ARHGAP42: variants seen among roughly 807,000 people sequenced by gnomAD.
ARHGAP42 encodes the protein Rho GTPase activating protein 42.
A neutral mutation model predicts 125.0 loss-of-function variants in ARHGAP42; 63 were observed. That is an observed-to-expected ratio of 0.50 (90% CI 0.41 to 0.62). The LOEUF (loss-of-function observed/expected upper bound fraction) is 0.62. Ranked by LOEUF, ARHGAP42 falls within the 20% of genes least tolerant of loss-of-function variation. ARHGAP42 has a pLI of 0.00. For missense variants in ARHGAP42, 766 were observed against 1,024.2 expected (o/e 0.75, Z 3.44); for synonymous variants, 339 against 351.0 (o/e 0.97, Z 0.38).
intron 3 of ARHGAP42, among the ~76,000 whole-genome samples, chr11:100,855,238 G>A (rs1488500999): frequency 6.6e-6 from 1 of 152,100 alleles, no homozygotes; most frequent in African/African-American, 2.4e-5. Flanking sequence ...CTTTGAAAAT[G>A]AGAGGTAAGG....
At chr11:100,951,692 G>A (rs1394650717) in intron 12 of ARHGAP42, among the ~76,000 whole-genome samples, 1 of 152,154 alleles carries the variant, frequency 6.6e-6, no homozygotes, top group Non-Finnish European at 1.5e-5. Flanking sequence ...TCTTCATGCA[G>A]TACAGAATCA....
At chr11:100,710,477 T>G (rs1055588291) in intron 1 of ARHGAP42, among the ~76,000 whole-genome samples, 1 of 150,136 alleles carries the variant, frequency 6.7e-6, no homozygotes, top group African/African-American at 2.5e-5. Context: ...CCTTGTGATC[T>G]GCCCACCTCG....
At chr11:100,875,105 C>CTGTG (rs1156397852) in intron 4 of ARHGAP42, among the ~76,000 whole-genome samples, 1 of 49,234 alleles carries the variant, frequency 2.0e-5, no homozygotes, top group Non-Finnish European at 4.7e-5. Flanking sequence ...CTCTCTCTCT[C>CTGTG]TCTGTGTGTG....
At chr11:100,700,660 A>G (rs908451770) in intron 1 of ARHGAP42, among the ~76,000 whole-genome samples, 4 of 152,224 alleles carry the variant, frequency 2.6e-5, no homozygotes, top group Non-Finnish European at 5.9e-5. Flanking sequence ...CATTCGTTCA[A>G]GATTGATCAT....
intron 1 of ARHGAP42, among the ~76,000 whole-genome samples, chr11:100,767,214 T>A (rs1372526404): frequency 6.6e-6 from 1 of 152,232 alleles, no homozygotes; most frequent in Non-Finnish European, 1.5e-5. Context: ...TCTATGTGTT[T>A]GATGCTGTTC....
chr11:100,900,267 A>G (rs1025741851), intron 4 of ARHGAP42, among the ~76,000 whole-genome samples: 6 of 152,188 alleles, frequency 3.9e-5, no homozygotes, highest in African/African-American at 1.4e-4. Context: ...AGTTTCTGCC[A>G]AGAGTTCTCC....
At chr11:100,871,640 A>G (rs1378569231) in intron 4 of ARHGAP42, among the ~76,000 whole-genome samples, 1 of 152,154 alleles carries the variant, frequency 6.6e-6, no homozygotes, top group Non-Finnish European at 1.5e-5. Context: ...TACAATTTTC[A>G]TGTTTATTCT....
At chr11:100,857,902 C>G (rs1320426283) in intron 3 of ARHGAP42, among the ~76,000 whole-genome samples, 1 of 152,100 alleles carries the variant, frequency 6.6e-6, no homozygotes, top group Non-Finnish European at 1.5e-5. Flanking sequence ...AATACATTAG[C>G]TCATGCTTGT....
intron 3 of ARHGAP42, among the ~76,000 whole-genome samples, chr11:100,855,742 C>T (rs1865308891): frequency 6.6e-6 from 1 of 152,034 alleles, no homozygotes; most frequent in South Asian, 2.1e-4. Flanking sequence ...ATAACCTACC[C>T]ACAGTAAAAT....
chr11:100,802,866 T>C (rs1384398009), intron 3 of ARHGAP42, among the ~76,000 whole-genome samples: 1 of 152,180 alleles, frequency 6.6e-6, no homozygotes, highest in African/African-American at 2.4e-5. Context: ...CTCATCCATA[T>C]CCTGTCATGA....
intron 2 of ARHGAP42, among the ~76,000 whole-genome samples, chr11:100,788,819 G>A (rs1407646060): frequency 6.6e-6 from 1 of 152,044 alleles, no homozygotes; most frequent in East Asian, 1.9e-4. Context: ...TTTTGGTTAT[G>A]GATTAAATTG....
chr11:100,914,224 T>G (rs1183513594), intron 5 of ARHGAP42, among the ~76,000 whole-genome samples: 1 of 152,180 alleles, frequency 6.6e-6, no homozygotes, highest in African/African-American at 2.4e-5. Context: ...CATGAACCAC[T>G]GTGCCCCACC....
At chr11:100,986,175 A>G in intron 22 of ARHGAP42, 1 of 449,772 alleles carries the variant, frequency 2.2e-6, no homozygotes, top group Non-Finnish European at 4.5e-6. Context: ...ATAACAAAAT[A>G]CCAGATACTA....
At chr11:100,907,373 T>A (rs999456316) in intron 4 of ARHGAP42, among the ~76,000 whole-genome samples, 3 of 152,218 alleles carry the variant, frequency 2.0e-5, no homozygotes, top group Non-Finnish European at 4.4e-5. Context: ...CGAATGTGAA[T>A]CCTTTGGTTC....
intron 1 of ARHGAP42, among the ~76,000 whole-genome samples, chr11:100,751,930 C>T (rs764065767): frequency 4.6e-5 from 7 of 151,900 alleles, no homozygotes; most frequent in Non-Finnish European, 1.0e-4. Flanking sequence ...CAGGTGCCTG[C>T]CACCATGCCC....
At chr11:100,875,095 CTCTCTCTCTCTCTGTGTG>C (rs1357755931) in intron 4 of ARHGAP42, among the ~76,000 whole-genome samples, 8 of 94,810 alleles carry the variant, frequency 8.4e-5, no homozygotes, top group South Asian at 3.9e-4. Flanking sequence ...CTCTCTCTCT[CTCTCTCTCTCTCTGTGTG>C]TGTGTGTGTG....
At position 100,913,535 on chromosome 11, in the gene ARHGAP42, G is replaced by A. The variant is rs943824456; in HGVS notation, c.468G>A (p.Lys156=). The change falls in exon 5 of 24, where the codon AAG becomes AAA. Residue 156 remains lysine, a synonymous_variant. Coordinates refer to ENST00000298815, the MANE Select transcript of ARHGAP42 (RefSeq NM_152432.4). ...EKHLNLSAKK[K]ESHLQEADTQ... is the part of the protein sequence containing the mutation. ...ATTTAAATTTGTCCGCAAAGAAAAAGGAGTCTCATTTACAAGAGGTAAGCT... is the reference window on the plus strand; with the variant it reads ...ATTTAAATTTGTCCGCAAAGAAAAAAGAGTCTCATTTACAAGAGGTAAGCT... The A allele has an allele frequency of 7.7e-7, 1 of 1,294,512 alleles. No homozygotes were observed. The highest frequency in any genetic ancestry group is 1.5e-5 in the African/African-American group (1 of 65,174). The allele number at this position is 1,294,512 out of a possible 1,614,324, so 80.2% of individuals were successfully genotyped here. A position where few individuals can be genotyped will look rare whatever the true frequency, so the allele number is the denominator to read the frequency against.
At chr11:100,696,276 A>C (rs1034617731) in intron 1 of ARHGAP42, among the ~76,000 whole-genome samples, 2 of 152,200 alleles carry the variant, frequency 1.3e-5, no homozygotes, top group Non-Finnish European at 2.9e-5. Flanking sequence ...TATTTTATGT[A>C]AAATCAATTA....
chr11:100,796,305 A>G (rs1271949165), intron 3 of ARHGAP42, among the ~76,000 whole-genome samples: 1 of 152,202 alleles, frequency 6.6e-6, no homozygotes, highest in Non-Finnish European at 1.5e-5. Flanking sequence ...AACATAATAA[A>G]TGGTGAGTGT....
Sources: gnomAD v4.1 joint callset for allele counts (sites outside exome capture counted in the v4.1 genomes callset) on GRCh38, gnomAD v4.1.1 for gene constraint, MANE v1.5 for transcripts, NCBI Gene and HGNC (gene_info 2026-07-23, HGNC 2026-07-21) for gene names.